COLEC11: variants seen among roughly 807,000 people sequenced by gnomAD.
The protein encoded by COLEC11 is collectin-11.
In COLEC11, 20 loss-of-function variants were observed where a neutral mutation model predicts 27.3. The observed-to-expected ratio is 0.73, with a 90% CI of 0.51 to 1.06. COLEC11 has a LOEUF of 1.06. Ranked by LOEUF, COLEC11 falls within the 50% of genes least tolerant of loss-of-function variation. The pLI is 0.00. For missense variants in COLEC11, 310 were observed against 383.0 expected (o/e 0.81, Z 1.59); for synonymous variants, 163 against 154.7 (o/e 1.05, Z -0.40).
chr2:3,604,021 C>T, intron 1 of COLEC11: 1 of 571,172 alleles, frequency 1.8e-6, no homozygotes, highest in East Asian at 2.9e-5. Context: ...TCGTTTGTCC[C>T]AGAGATCAGA....
chr2:3,637,534 A>T lies in COLEC11; in HGVS notation c.204A>T (p.Gly68=). 1 of 1,613,994 alleles carries T rather than the reference A, an allele frequency of 6.2e-7. No homozygotes were observed. The highest frequency in any genetic ancestry group is 8.5e-7 in the Non-Finnish European group (1 of 1,179,878). ...CTTTGCTCTTATTGTTTTCTACAGG[A>T]GACATGGGGGACAAAGGACAGAAAG... ...PGRVGPTGEK[G]DMGDKGQKGS... The change falls in exon 4 of 7, where the codon GGA becomes GGT. Residue 68 remains glycine, a splice_region_variant and synonymous_variant. Transcript: ENST00000349077.
chr2:3,621,361 T>A (rs565703243), intron 3 of COLEC11, among the ~76,000 whole-genome samples: 19 of 152,362 alleles, frequency 1.2e-4, no homozygotes, highest in African/African-American at 4.3e-4. Flanking sequence ...TCTGTTTTGG[T>A]TTCAATTTGT....
intron 2 of COLEC11, chr2:3,606,340 T>A: frequency 9.5e-7 from 1 of 1,053,766 alleles, no homozygotes; most frequent in Non-Finnish European, 1.4e-6. Flanking sequence ...CCTTCCCAGC[T>A]GTCCACGTCC....
Position 3,597,239 on chromosome 2 carries a change from A to G in COLEC11, c.-27+2071A>G, listed in dbSNP as rs1210071759. On this transcript the variant is annotated intron_variant, in intron 1 of 6. Transcript: ENST00000349077. ...CCGGGGTCAGTGAATGAATGGAGTG[A>G]AGGCACGAGAAATCCCAGCCTGGGC... 2.0e-5 allele frequency among the ~76,000 whole-genome samples: 3 copies of G among 151,934 alleles called. No homozygotes were observed. In the East Asian group the frequency reaches 5.8e-4, roughly 29 times the overall value.
chr2:3,602,126 C>T lies in COLEC11; in HGVS notation c.-26-2189C>T, dbSNP rs1007244951. 1 of 152,238 alleles carries T rather than the reference C, an allele frequency of 6.6e-6. No individual in the cohort carries two copies. The highest frequency in any genetic ancestry group is 2.1e-4 in the South Asian group (1 of 4,826). The allele number at this position is 152,238 out of a possible 1,614,324, so 9.4% of individuals were successfully genotyped here. On this transcript the variant is annotated intron_variant, in intron 1 of 6. Coordinates refer to ENST00000349077, the MANE Select transcript of COLEC11 (RefSeq NM_024027.5). This position sits in a 1 kb window ranked among gnomAD's most constrained non-coding sequence, Gnocchi z 6.2. Reference sequence around the variant, plus strand: ...CTCCCCTGGCTTTTGTAGCAGGGCTCTCACGGGGCTGTTGATGTGGGAAGC... The same window carrying T: ...CTCCCCTGGCTTTTGTAGCAGGGCTTTCACGGGGCTGTTGATGTGGGAAGC...
intron 5 of COLEC11, among the ~76,000 whole-genome samples, chr2:3,642,576 A>G (rs1335963744): frequency 6.6e-6 from 1 of 152,204 alleles, no homozygotes; most frequent in Non-Finnish European, 1.5e-5. Context: ...GTCTTAAAGC[A>G]AAACGACTGC....
chr2:3,599,983 C>T (rs958939372), intron 1 of COLEC11, among the ~76,000 whole-genome samples: 2 of 152,158 alleles, frequency 1.3e-5, no homozygotes, highest in Admixed American at 6.5e-5. Context: ...AGCCTGTAAT[C>T]GCAGCACTTT....
intron 2 of COLEC11, chr2:3,605,870 A>C: frequency 2.0e-6 from 1 of 491,264 alleles, no homozygotes; most frequent in Admixed American, 3.4e-5. Context: ...CAGGCTGTGC[A>C]GCTCTGGCTG....
intron 1 of COLEC11, among the ~76,000 whole-genome samples, chr2:3,600,194 C>T (rs1662118627): frequency 6.7e-6 from 1 of 148,418 alleles, no homozygotes; most frequent in Admixed American, 6.8e-5. Flanking sequence ...GAGATCGAGC[C>T]ACTGCACCCC....
In COLEC11 at chr2:3,603,669, C is replaced by G. The variant is rs899568387; in HGVS notation, c.-26-646C>G. On this transcript the variant is annotated intron_variant, in intron 1 of 6. Coordinates refer to ENST00000349077, the MANE Select transcript of COLEC11 (RefSeq NM_024027.5). ...CGATGAAGAAACAAAGAGGTCAGCA[C>G]GTACCCGCCCCTCCTGGGATGGTCA... The G allele has an allele frequency of 3.9e-6, 6 of 1,551,046 alleles. No homozygotes were observed. In the East Asian group the frequency reaches 1.2e-4, roughly 32 times the overall value.
chr2:3,609,220 C>T (rs1046179020), intron 2 of COLEC11, among the ~76,000 whole-genome samples: 3 of 152,178 alleles, frequency 2.0e-5, no homozygotes, highest in Admixed American at 2.0e-4. Flanking sequence ...GAAAGTCTTG[C>T]TGTTTTTAAT....
In COLEC11 at chr2:3,622,108, G is replaced by T. The variant is rs371590157; in HGVS notation, c.202+8726G>T. ...CGCTTGAACCCGGGAGGTGGAGCTT[G>T]CAGTGAGCTGAGATTGTGCCACCGC... On this transcript the variant is annotated intron_variant, in intron 3 of 6. Coordinates refer to ENST00000349077, the MANE Select transcript of COLEC11 (RefSeq NM_024027.5). 9.9e-5 allele frequency among the ~76,000 whole-genome samples: 15 copies of T among 151,600 alleles called. No individual in the cohort carries two copies. In the South Asian group the frequency reaches 2.5e-3, roughly 25 times the overall value.
chr2:3,601,751 C>T lies in COLEC11; in HGVS notation c.-26-2564C>T, dbSNP rs181620336. ...CACGCGCGTGCCCAAGCCCTGGCTCCGCCCTAACTCTAATCCTCTCTCCCT... is the reference window on the plus strand; with the variant it reads ...CACGCGCGTGCCCAAGCCCTGGCTCTGCCCTAACTCTAATCCTCTCTCCCT... On this transcript the variant is annotated intron_variant, in intron 1 of 6. Coordinates refer to ENST00000349077, the MANE Select transcript of COLEC11 (RefSeq NM_024027.5). Among the ~76,000 whole-genome samples, 634 of 152,302 alleles carry T rather than the reference C, an allele frequency of 4.2e-3. 10 individuals carry two copies. Among genetic ancestry groups the T allele is most frequent in the African/African-American group, 0.014 (591 of 41,560 alleles).
chr2:3,613,222 A>T, intron 2 of COLEC11, 89 bp from the exon 3 acceptor site: 1 of 1,406,530 alleles, frequency 7.1e-7, no homozygotes, highest in Non-Finnish European at 9.9e-7. Flanking sequence ...ACCCGGGGAG[A>T]ACGCTTCTAA....
At position 3,644,375 on chromosome 2, in the gene COLEC11, C is replaced by T; in HGVS notation, c.*257C>T. The T allele has an allele frequency of 3.0e-6, 2 of 658,650 alleles. No individual in the cohort carries two copies. Among genetic ancestry groups the T allele is most frequent in the South Asian group, 1.5e-5 (1 of 66,300 alleles). 40.8% of individuals were successfully genotyped at this position (658,650 alleles called of 1,614,324 possible). ...CCCCAATGTCATTATGTAATTATTA[C>T]CCAGAATTGCTCTTCCATAAAGCTT... On this transcript the variant is annotated 3_prime_UTR_variant, in exon 7 of 7. Coordinates refer to ENST00000349077, the MANE Select transcript of COLEC11 (RefSeq NM_024027.5).
At chr2:3,629,602 A>T (rs1352994204) in intron 3 of COLEC11, among the ~76,000 whole-genome samples, 1 of 152,298 alleles carries the variant, frequency 6.6e-6, no homozygotes, top group Middle Eastern at 3.4e-3. Flanking sequence ...ACCTGTGTGT[A>T]TGTGCATATG....
intron 3 of COLEC11, among the ~76,000 whole-genome samples, chr2:3,632,552 C>T (rs1175604125): frequency 1.3e-5 from 2 of 152,194 alleles, no homozygotes; most frequent in African/African-American, 2.4e-5. Flanking sequence ...AGCCACAGTC[C>T]TGTTGGACCA....
chr2:3,602,994 T>C lies in COLEC11; in HGVS notation c.-26-1321T>C, dbSNP rs761622644. On this transcript the variant is annotated intron_variant, in intron 1 of 6. Transcript: ENST00000349077. The surrounding 1 kb of genome is among the most constrained non-coding windows in gnomAD (Gnocchi z 6.2). ...ATAAATGTTCTTGCTCTACTCCTGG[T>C]GCCTAGAGCTGTGCCTGACATTTGG... Among the ~76,000 whole-genome samples, 4 of 152,260 alleles carry C rather than the reference T, an allele frequency of 2.6e-5. No individual in the cohort carries two copies. Among genetic ancestry groups the C allele is most frequent in the Non-Finnish European group, 5.9e-5 (4 of 68,050 alleles).
rs181611983 is a variant in COLEC11, at chr2:3,615,530, T to A, written c.202+2148T>A. Among the ~76,000 whole-genome samples the A allele has an allele frequency of 3.5e-3, 533 of 152,354 alleles. 4 individuals are homozygous for A. The highest frequency in any genetic ancestry group is 0.012 in the African/African-American group (513 of 41,582). ...ACAGAACAAAATGGAGTCTCCCATG[T>A]CTACTTCTTTCTACACAGACACAGC... On this transcript the variant is annotated intron_variant, in intron 3 of 6. Transcript: ENST00000349077.
Sources: allele counts gnomAD v4.1 joint callset (sites outside exome capture counted in the v4.1 genomes callset), GRCh38; gene constraint gnomAD v4.1.1; non-coding constraint Gnocchi (gnomAD v3.1); transcripts MANE v1.5; gene names NCBI Gene and HGNC (gene_info 2026-07-23, HGNC 2026-07-21).